SLC71A1: variants seen among roughly 807,000 people sequenced by gnomAD.
The protein encoded by SLC71A1 is hippocampus abundant gene transcript 1.
At chr1:100,068,234 G>A in the SLC71A1 span, 1 of 1,474,674 alleles carries the variant, frequency 6.8e-7, no homozygotes, top group South Asian at 1.1e-5. Context: ...ATAAAAAAGT[G>A]CATGATTCAG....
the SLC71A1 span, among the ~76,000 whole-genome samples, chr1:100,040,806 T>C: frequency 6.6e-6 from 1 of 152,108 alleles, no homozygotes; most frequent in East Asian, 1.9e-4. Context: ...TGATACTCTG[T>C]TGTTGTGTGT....
chr1:100,081,487 A>G, the SLC71A1 span, among the ~76,000 whole-genome samples: 2 of 152,066 alleles, frequency 1.3e-5, no homozygotes, highest in African/African-American at 4.8e-5. Flanking sequence ...TTCTTTTAAC[A>G]TCAGCCTCCC....
the SLC71A1 span, among the ~76,000 whole-genome samples, chr1:100,062,621 G>A: frequency 3.5e-4 from 54 of 152,202 alleles, no homozygotes; most frequent in Admixed American, 3.2e-3. Flanking sequence ...GATGCATTTC[G>A]GTAAATGTGA....
the SLC71A1 span, among the ~76,000 whole-genome samples, chr1:100,038,833 C>T: frequency 2.6e-5 from 4 of 152,254 alleles, no homozygotes; most frequent in Non-Finnish European, 5.9e-5. Context: ...CCACGTCTCT[C>T]TGCGTCGGTG....
At chr1:100,051,548 C>T in the SLC71A1 span, among the ~76,000 whole-genome samples, 10 of 150,156 alleles carry the variant, frequency 6.7e-5, no homozygotes, top group East Asian at 2.0e-4. Flanking sequence ...CCAAGTACAA[C>T]GATTTGGAAC....
the SLC71A1 span, among the ~76,000 whole-genome samples, chr1:100,040,535 A>G: frequency 1.3e-5 from 2 of 152,098 alleles, no homozygotes; most frequent in Non-Finnish European, 2.9e-5. Flanking sequence ...ATCTCGGCTC[A>G]CTGTAACCAC....
At chr1:100,058,308 A>G in the SLC71A1 span, among the ~76,000 whole-genome samples, 1 of 152,226 alleles carries the variant, frequency 6.6e-6, no homozygotes, top group Non-Finnish European at 1.5e-5. Flanking sequence ...AGCATAGCAT[A>G]GTGAGTAAAA....
At chr1:100,060,868 T>C in the SLC71A1 span, among the ~76,000 whole-genome samples, 1 of 152,154 alleles carries the variant, frequency 6.6e-6, no homozygotes, top group Non-Finnish European at 1.5e-5. Context: ...ACTAATGTTC[T>C]TTTTACTCCA....
chr1:100,078,091 A>G, the SLC71A1 span, among the ~76,000 whole-genome samples: 2 of 152,364 alleles, frequency 1.3e-5, no homozygotes, highest in East Asian at 1.9e-4. Flanking sequence ...GAACTTTGCC[A>G]AAGACTTGTT....
the SLC71A1 span, among the ~76,000 whole-genome samples, chr1:100,050,865 C>G: frequency 1.4e-3 from 213 of 151,934 alleles, 4 homozygotes; most frequent in Non-Finnish European, 2.8e-4. Flanking sequence ...GTGGGCAGAT[C>G]GCTTGAGCTC....
chr1:100,079,320 A>G, the SLC71A1 span: 2 of 151,856 alleles, frequency 1.3e-5, no homozygotes, highest in Non-Finnish European at 2.9e-5. Flanking sequence ...CAGTCATCTG[A>G]AGATATGTAA....
the SLC71A1 span, chr1:100,082,655 T>G: frequency 6.5e-6 from 1 of 154,544 alleles, no homozygotes; most frequent in Non-Finnish European, 1.4e-5. Flanking sequence ...AAATCTTGGG[T>G]CAAATAATTC....
At chr1:100,059,860 T>C in the SLC71A1 span, 1 of 1,592,304 alleles carries the variant, frequency 6.3e-7, no homozygotes, top group Non-Finnish European at 8.5e-7. Flanking sequence ...ATTCATTTTT[T>C]TCATTTAATT....
the SLC71A1 span, among the ~76,000 whole-genome samples, chr1:100,041,349 A>G: frequency 6.6e-6 from 1 of 152,202 alleles, no homozygotes; most frequent in East Asian, 1.9e-4. Context: ...AAATTACATT[A>G]AGGTGTGTGA....
the SLC71A1 span, among the ~76,000 whole-genome samples, chr1:100,076,533 T>C: frequency 6.6e-6 from 1 of 152,222 alleles, no homozygotes; most frequent in Non-Finnish European, 1.5e-5. Flanking sequence ...ATGACAAGGT[T>C]TTGAAATAGG....
At chr1:100,061,795 G>A in the SLC71A1 span, 5 of 1,201,140 alleles carry the variant, frequency 4.2e-6, no homozygotes, top group Non-Finnish European at 4.9e-6. Context: ...TAAAACAATG[G>A]TAATTGCTCT....
chr1:100,046,220 T>TTG, the SLC71A1 span, among the ~76,000 whole-genome samples: 1 of 92,560 alleles, frequency 1.1e-5, no homozygotes, highest in South Asian at 3.9e-4. Context: ...TCGTTTTTTT[T>TTG]TTTTTTTTTT....
chr1:100,038,991 CA>C, the SLC71A1 span, among the ~76,000 whole-genome samples: 1 of 152,170 alleles, frequency 6.6e-6, no homozygotes, highest in South Asian at 2.1e-4. Flanking sequence ...GTCTTAAGAT[CA>C]AAAGTATTAG....
At chr1:100,079,778 G>A in the SLC71A1 span, 1 of 152,660 alleles carries the variant, frequency 6.6e-6, no homozygotes, top group Non-Finnish European at 1.5e-5. Context: ...GGGAGGCTGA[G>A]GCAGGAGAAT....
Sources: gnomAD v4.1 joint callset for allele counts (sites outside exome capture counted in the v4.1 genomes callset) on GRCh38, gnomAD v4.1.1 for gene constraint, MANE v1.5 for transcripts, NCBI Gene and HGNC (gene_info 2026-07-23, HGNC 2026-07-21) for gene names.